SNAP91: variants seen among roughly 807,000 people sequenced by gnomAD.
SNAP91 encodes the protein clathrin coat assembly protein AP180.
SNAP91 carries 27 observed loss-of-function variants against 100.3 expected under a neutral mutation model. The observed-to-expected ratio is 0.27, with a 90% CI of 0.20 to 0.37. The LOEUF is 0.37. SNAP91 is among the 10% of genes least tolerant of loss of function. The pLI is 1.00. For missense variants in SNAP91, 986 were observed against 1,123.7 expected, an observed-to-expected ratio of 0.88 and a Z score of 1.75; for synonymous variants, 404 against 398.6, an observed-to-expected ratio of 1.01 and a Z score of -0.16.
In SNAP91 at chr6:83,582,363, A is replaced by C. The variant is rs1469017503; in HGVS notation, c.2015-7T>G. On this transcript the variant is annotated splice_polypyrimidine_tract_variant and splice_region_variant and intron_variant, in intron 22 of 29. Transcript: ENST00000369694. ...ATGAAAGAACCCCCAAATCCTGAAA[A>C]AAAGTTCCAAAAAAACAAGCAGAAA... 1 of 1,609,504 alleles carries C rather than the reference A, an allele frequency of 6.2e-7. No homozygotes were observed.
chr6:83,563,514 G>A (rs1791692387), intron 26 of SNAP91, among the ~76,000 whole-genome samples: 1 of 152,122 alleles, frequency 6.6e-6, no homozygotes, highest in South Asian at 2.1e-4. Flanking sequence ...GCAGTTAGCA[G>A]GAAAAAGCAA....
intron 2 of SNAP91, among the ~76,000 whole-genome samples, chr6:83,675,894 T>C (rs2098873182): frequency 8.7e-6 from 1 of 114,314 alleles, no homozygotes; most frequent in Non-Finnish European, 1.9e-5. Flanking sequence ...TGGCTGCCAA[T>C]GTCAAAAAAG....
chr6:83,708,036 G>A (rs1302548483), intron 1 of SNAP91, 79 bp from the exon 2 acceptor site: 2 of 1,315,566 alleles, frequency 1.5e-6, no homozygotes, highest in African/African-American at 3.1e-5. Context: ...GCCTCCTCCA[G>A]CCGCGCGGCG....
At position 83,594,457 on chromosome 6, in the gene SNAP91, TC is replaced by T; in HGVS notation, c.1348del (p.Glu450ArgfsTer18). 6.6e-7 allele frequency: 1 copy of T among 1,526,346 alleles called. No individual in the cohort carries two copies. The highest frequency in any genetic ancestry group is 1.4e-5 in the African/African-American group (1 of 71,450). The allele number at this position is 1,526,346 out of a possible 1,614,324, so 94.6% of individuals were successfully genotyped here. A position where few individuals can be genotyped will look rare whatever the true frequency, so the allele number is the denominator to read the frequency against. ...GGCCCCTTCGGATGCTGCAGGGGCC[TC>T]CCCAGGAGAAGCTGCAAAGGCATCT... is the stretch of plus-strand genomic sequence containing the variant. ...FGDAFAASPG[E>X]APAASEGAAA... On this transcript the variant is annotated frameshift_variant, in exon 17 of 30. Transcript: ENST00000369694. LOFTEE classifies it high-confidence loss of function.
chr6:83,610,688 A>G lies in SNAP91; in HGVS notation c.885-11T>C. 1 of 525,274 alleles carries G rather than the reference A, an allele frequency of 1.9e-6. No individual in the cohort carries two copies. The highest frequency in any genetic ancestry group is 3.5e-6 in the Non-Finnish European group (1 of 284,850). 32.5% of individuals were successfully genotyped at this position (525,274 alleles called of 1,614,324 possible). A position where few individuals can be genotyped will look rare whatever the true frequency, so the allele number is the denominator to read the frequency against. Reference sequence around the variant, plus strand: ...GAGGGAGCACCAGATCTAAAAGGCAACATAAAAAAAAATTAAAACTGAATA... The same window carrying G: ...GAGGGAGCACCAGATCTAAAAGGCAGCATAAAAAAAAATTAAAACTGAATA... On this transcript the variant is annotated splice_polypyrimidine_tract_variant and intron_variant, in intron 11 of 29. Transcript: ENST00000369694.
chr6:83,637,339 G>A (rs193286149), intron 8 of SNAP91, among the ~76,000 whole-genome samples: 3 of 152,302 alleles, frequency 2.0e-5, no homozygotes, highest in African/African-American at 7.2e-5. Context: ...CTCTTGGGGG[G>A]CCCACTGTGC....
chr6:83,593,566 A>G lies in SNAP91; in HGVS notation c.1608T>C (p.Thr536=). Residue 536 remains threonine, a synonymous_variant, in exon 18 of 30, where the codon ACT becomes ACC. Transcript: ENST00000369694. ...TGGTGGCAGCGGCGGTGGCAGCAGT[A>G]GTGGCAGCAGCAGCAGCTGCAACGG... The part of the protein sequence containing the change: ...APAVAAAAAA[T]TAATAAATTT... 1 of 1,555,610 alleles carries G rather than the reference A, an allele frequency of 6.4e-7. No individual in the cohort carries two copies. Among genetic ancestry groups the G allele is most frequent in the Non-Finnish European group, 8.7e-7 (1 of 1,148,398 alleles).
intron 26 of SNAP91, among the ~76,000 whole-genome samples, chr6:83,568,568 C>T (rs1801043911): frequency 6.6e-6 from 1 of 151,998 alleles, no homozygotes; most frequent in African/African-American, 2.4e-5. Flanking sequence ...AAGCACAGGG[C>T]TCCTGATGGC....
chr6:83,698,158 T>C (rs1410276729), intron 2 of SNAP91, among the ~76,000 whole-genome samples: 1 of 151,318 alleles, frequency 6.6e-6, no homozygotes, highest in Non-Finnish European at 1.5e-5. Flanking sequence ...CTGTGGGGTA[T>C]GTGTGTGTGT....
At position 83,672,405 on chromosome 6, in the gene SNAP91, A is replaced by AT. The variant is rs141565599; in HGVS notation, c.131-6825dup. 2.8e-4 allele frequency among the ~76,000 whole-genome samples: 41 copies of AT among 148,372 alleles called. 1 individual carries two copies. The highest frequency in any genetic ancestry group is 1.0e-3 in the Admixed American group (15 of 14,862). ...GTTAATTTGACCACTCTGCAGCTCCATTTTTTTTTTCACCTAGAAATAAGA... is the reference window on the plus strand; with the variant it reads ...GTTAATTTGACCACTCTGCAGCTCCATTTTTTTTTTTCACCTAGAAATAAGA... On this transcript the variant is annotated intron_variant, in intron 2 of 29. Coordinates refer to ENST00000369694, the MANE Select transcript of SNAP91 (RefSeq NM_001242792.2).
At chr6:83,630,508 T>C (rs2097162589) in intron 8 of SNAP91, among the ~76,000 whole-genome samples, 1 of 152,090 alleles carries the variant, frequency 6.6e-6, no homozygotes, top group Admixed American at 6.5e-5. Context: ...ATTTAAAAAT[T>C]ACCATTTCAA....
intron 13 of SNAP91, among the ~76,000 whole-genome samples, chr6:83,607,163 GC>G (rs2095666605): frequency 6.6e-6 from 1 of 152,102 alleles, no homozygotes; most frequent in Non-Finnish European, 1.5e-5. Context: ...ATTTTAGGAG[GC>G]TAGAGATTTC....
intron 2 of SNAP91, among the ~76,000 whole-genome samples, chr6:83,696,606 A>G (rs770340201): frequency 6.6e-6 from 1 of 152,226 alleles, no homozygotes; most frequent in Middle Eastern, 3.4e-3. Context: ...GCTCTCTGTG[A>G]GCCTCTTCCT....
intron 11 of SNAP91, among the ~76,000 whole-genome samples, chr6:83,613,081 T>G (rs562067448): frequency 6.6e-6 from 1 of 152,154 alleles, no homozygotes; most frequent in Non-Finnish European, 1.5e-5. Flanking sequence ...TCATAATTGG[T>G]ACAAGAATCA....
intron 9 of SNAP91, among the ~76,000 whole-genome samples, chr6:83,621,533 A>G (rs145504399): frequency 1.9e-3 from 290 of 152,248 alleles, no homozygotes; most frequent in African/African-American, 6.0e-3. Context: ...TAAATCATTC[A>G]GTAAAATATA....
chr6:83,556,304 AT>A (rs1288697389), intron 28 of SNAP91, 59 bp from the exon 29 acceptor site: 1 of 255,498 alleles, frequency 3.9e-6, no homozygotes, highest in East Asian at 1.6e-4. Flanking sequence ...AGAATGAGAC[AT>A]GGGGGGAAGA....
chr6:83,691,882 C>G (rs912373724), intron 2 of SNAP91, among the ~76,000 whole-genome samples: 1 of 152,166 alleles, frequency 6.6e-6, no homozygotes, highest in African/African-American at 2.4e-5. Flanking sequence ...AAAGCCATAA[C>G]AGACACTCCA....
Position 83,631,915 on chromosome 6 carries a change from T to G in SNAP91, c.766-8573A>C, listed in dbSNP as rs114670713. On this transcript the variant is annotated intron_variant, in intron 8 of 29. Transcript: ENST00000369694. The stretch of plus-strand genomic sequence containing the variant: ...GTATACCTTGGTTTTTTGTTTTTGT[T>G]TTTAAAATTATATATTTTTTATAGG... Among the ~76,000 whole-genome samples the G allele has an allele frequency of 6.1e-3, 935 of 152,214 alleles. 8 individuals carry two copies. The highest frequency in any genetic ancestry group is 0.022 in the African/African-American group (902 of 41,550).
intron 6 of SNAP91, among the ~76,000 whole-genome samples, chr6:83,658,617 TAAATAAAACA>T (rs2098463754): frequency 6.6e-6 from 1 of 151,710 alleles, no homozygotes; most frequent in African/African-American, 2.4e-5. Context: ...AAAAAATAAA[TAAATAAAACA>T]AAATAAAATA....
Sources: gnomAD v4.1 joint callset for allele counts (sites outside exome capture counted in the v4.1 genomes callset) on GRCh38, gnomAD v4.1.1 for gene constraint, MANE v1.5 for transcripts, NCBI Gene and HGNC (gene_info 2026-07-23, HGNC 2026-07-21) for gene names.